Variants in SLIT2 observed in about 807,000 individuals in gnomAD.
The protein encoded by SLIT2 is slit homolog 2 protein.
A neutral mutation model predicts 185.7 loss-of-function variants in SLIT2; 41 were observed. That is an observed-to-expected ratio of 0.22 (90% CI 0.17 to 0.29). SLIT2 has a LOEUF of 0.29. Among genes scored for constraint, SLIT2 ranks in the 10% least tolerant of loss-of-function variants. SLIT2 has a pLI of 1.00. For synonymous variants in SLIT2, 693 were observed against 680.2 expected (o/e 1.02, Z -0.29); for missense variants, 1,571 against 1,909.0 (o/e 0.82, Z 3.30).
In SLIT2 at chr4:20,617,094, C is replaced by G; in HGVS notation, c.4032C>G (p.Gly1344=). The G allele has an allele frequency of 6.2e-7, 1 of 1,613,468 alleles. No homozygotes were observed. The highest frequency in any genetic ancestry group is 8.5e-7 in the Non-Finnish European group (1 of 1,179,388). ...EPCHKKVCAH[G]TCQPSSQAGF... is the part of the protein sequence containing the mutation. ...GCCACAAGAAGGTGTGTGCCCATGG[C>G]ACATGCCAGCCCAGCAGCCAGGCAG... is the stretch of plus-strand genomic sequence containing the variant. Residue 1344 remains glycine, a synonymous_variant, in exon 35 of 37, where the codon GGC becomes GGG. Coordinates refer to ENST00000504154, the MANE Select transcript of SLIT2 (RefSeq NM_004787.4).
intron 29 of SLIT2, among the ~76,000 whole-genome samples, chr4:20,573,938 TTTTA>T (rs10673597): frequency 3.2e-4 from 45 of 140,766 alleles, no homozygotes; most frequent in African/African-American, 6.4e-4. Flanking sequence ...CATAGAATTA[TTTTA>T]TTTATTTATT....
At chr4:20,441,519 GTCTCTC>G (rs376556054) in intron 4 of SLIT2, among the ~76,000 whole-genome samples, 26,244 of 107,924 alleles carry the variant, frequency 0.24, 2,794 homozygotes, top group Middle Eastern at 0.36. Flanking sequence ...CCCCACTTCT[GTCTCTC>G]TCTCTCTCTC....
At chr4:20,260,604 T>C (rs1712349760) in intron 3 of SLIT2, among the ~76,000 whole-genome samples, 1 of 151,840 alleles carries the variant, frequency 6.6e-6, no homozygotes, top group African/African-American at 2.4e-5. Context: ...TTTATGTTGA[T>C]GGACTTTTAA....
intron 7 of SLIT2, 58 bp from the exon 8 acceptor site, chr4:20,488,761 A>G: frequency 7.9e-7 from 1 of 1,270,934 alleles, no homozygotes; most frequent in Non-Finnish European, 1.1e-6. Context: ...ACAGGTATAT[A>G]TTAATGAAAT....
intron 5 of SLIT2, among the ~76,000 whole-genome samples, chr4:20,475,652 A>G (rs1378465187): frequency 6.6e-6 from 1 of 151,590 alleles, no homozygotes; most frequent in Non-Finnish European, 1.5e-5. Flanking sequence ...CATGAGGAAT[A>G]ATAAGATGAC....
At chr4:20,326,773 T>C (rs552631333) in intron 4 of SLIT2, among the ~76,000 whole-genome samples, 7 of 130,884 alleles carry the variant, frequency 5.3e-5, no homozygotes, top group African/African-American at 1.8e-4. Context: ...TTTTTTTAAG[T>C]ACATGAATGA....
intron 4 of SLIT2, among the ~76,000 whole-genome samples, chr4:20,448,231 G>T (rs915595961): frequency 6.6e-6 from 1 of 152,102 alleles, no homozygotes; most frequent in Non-Finnish European, 1.5e-5. Context: ...CTGATTGTGT[G>T]TTTAAAAGCC....
Position 20,597,409 on chromosome 4 carries a change from T to C in SLIT2, c.3561+754T>C, listed in dbSNP as rs190871118. ...CTCTTCACCCAGAACTTTGAAGAAT[T>C]GACATGAAATTAACAAACTCAAATT... On this transcript the variant is annotated intron_variant, in intron 32 of 36. Transcript: ENST00000504154. Among the ~76,000 whole-genome samples, 187 of 152,248 alleles carry C rather than the reference T, an allele frequency of 1.2e-3. 1 individual carries two copies. The highest frequency in any genetic ancestry group is 2.1e-3 in the Non-Finnish European group (146 of 68,020).
chr4:20,507,042 G>A (rs1719271713), intron 9 of SLIT2, among the ~76,000 whole-genome samples: 1 of 151,982 alleles, frequency 6.6e-6, no homozygotes, highest in African/African-American at 2.4e-5. Flanking sequence ...ACATGTAAAT[G>A]CAATAGTTTG....
intron 4 of SLIT2, among the ~76,000 whole-genome samples, chr4:20,282,508 T>G (rs1016278792): frequency 9.9e-5 from 15 of 152,206 alleles, no homozygotes; most frequent in African/African-American, 3.4e-4. Flanking sequence ...TAATACCTTT[T>G]ATTTATTACT....
At chr4:20,410,930 T>G (rs1014750992) in intron 4 of SLIT2, among the ~76,000 whole-genome samples, 16 of 152,024 alleles carry the variant, frequency 1.1e-4, no homozygotes, top group Admixed American at 8.5e-4. Context: ...TTTTAAAGTA[T>G]TTTTTTCTAA....
chr4:20,432,014 T>TGTGTGC (rs375394658), intron 4 of SLIT2, among the ~76,000 whole-genome samples: 4 of 150,756 alleles, frequency 2.7e-5, no homozygotes, highest in Admixed American at 6.6e-5. Flanking sequence ...TGTGTGTGTG[T>TGTGTGC]GCTTGTGTGT....
intron 4 of SLIT2, among the ~76,000 whole-genome samples, chr4:20,355,762 G>A (rs1469124574): frequency 6.6e-6 from 1 of 152,046 alleles, no homozygotes; most frequent in Non-Finnish European, 1.5e-5. Context: ...CTATGTAGAA[G>A]TACGCAAGAA....
At chr4:20,610,268 T>G in intron 34 of SLIT2, 101 bp downstream of exon 34, 1 of 972,684 alleles carries the variant, frequency 1.0e-6, no homozygotes, top group Non-Finnish European at 1.5e-6. Flanking sequence ...GATTTGTCAT[T>G]GACCAATAGT....
intron 4 of SLIT2, among the ~76,000 whole-genome samples, chr4:20,304,506 C>T (rs1717353280): frequency 6.6e-6 from 1 of 152,106 alleles, no homozygotes; most frequent in Non-Finnish European, 1.5e-5. Flanking sequence ...GGCCATGTGA[C>T]AAGCGTTGGC....
Position 20,553,069 on chromosome 4 carries a change from G to A in SLIT2, c.2562-736G>A, listed in dbSNP as rs192816045. ...TCTAATGAACAACCGTAAAATGAACGATCTTGAAAAGTGACAGACAGCACC... is the reference window on the plus strand; with the variant it reads ...TCTAATGAACAACCGTAAAATGAACAATCTTGAAAAGTGACAGACAGCACC... On this transcript the variant is annotated intron_variant, in intron 25 of 36. Coordinates refer to ENST00000504154, the MANE Select transcript of SLIT2 (RefSeq NM_004787.4). 5.3e-5 allele frequency among the ~76,000 whole-genome samples: 8 copies of A among 152,246 alleles called. No homozygotes were observed. The East Asian group carries it at 9.7e-4, about 18-fold the overall frequency.
At chr4:20,285,405 G>A (rs532424869) in intron 4 of SLIT2, among the ~76,000 whole-genome samples, 2 of 152,126 alleles carry the variant, frequency 1.3e-5, no homozygotes, top group African/African-American at 4.8e-5. Context: ...AGACTACTCA[G>A]GTGATCTCAT....
In SLIT2 at chr4:20,580,803, G is replaced by A. The variant is rs941881950; in HGVS notation, c.3089-8841G>A. On this transcript the variant is annotated intron_variant, in intron 29 of 36. Transcript: ENST00000504154. ...TTACATCTTGACTCTCTTGAAGCAC[G>A]GGGAGCCTTGTCATGGAGCACTCCT... Among the ~76,000 whole-genome samples, 6 of 152,226 alleles carry A rather than the reference G, an allele frequency of 3.9e-5. No homozygotes were observed. In the East Asian group the frequency reaches 5.8e-4, roughly 15 times the overall value.
intron 17 of SLIT2, chr4:20,533,278 G>T: frequency 3.9e-6 from 1 of 257,914 alleles, no homozygotes; most frequent in Non-Finnish European, 7.3e-6. Context: ...TTTTATAGAT[G>T]GCATAAAGGT....
Sources: allele counts gnomAD v4.1 joint callset (sites outside exome capture counted in the v4.1 genomes callset), GRCh38; gene constraint gnomAD v4.1.1; transcripts MANE v1.5; gene names NCBI Gene and HGNC (gene_info 2026-07-23, HGNC 2026-07-21).